The following PAPPA variants were observed in gnomAD, a reference collection of about 807,000 sequenced individuals.
PAPPA encodes pappalysin-1.
PAPPA carries 60 observed loss-of-function variants against 164.0 expected under a neutral mutation model. The ratio of observed to expected loss-of-function variants is 0.37; its 90% CI spans 0.30 to 0.45. The LOEUF is 0.45. Among genes scored for constraint, PAPPA ranks in the 20% least tolerant of loss-of-function variants. PAPPA has a pLI of 1.00. For synonymous variants in PAPPA, 875 were observed against 814.1 expected, an observed-to-expected ratio of 1.07 and a Z score of -1.27; for missense variants, 1,782 against 2,087.3, an observed-to-expected ratio of 0.85 and a Z score of 2.85.
intron 13 of PAPPA, among the ~76,000 whole-genome samples, chr9:116,337,457 A>T (rs1305333341): frequency 2.6e-5 from 4 of 152,222 alleles, no homozygotes; most frequent in African/African-American, 9.6e-5. Flanking sequence ...ACTGTAAAGA[A>T]CCATGGGATG....
intron 7 of PAPPA, among the ~76,000 whole-genome samples, chr9:116,250,187 G>A (rs748819612): frequency 1.3e-5 from 2 of 152,034 alleles, no homozygotes; most frequent in Admixed American, 1.3e-4. Flanking sequence ...TACCTATAAC[G>A]TTACAAGGCT....
intron 19 of PAPPA, among the ~76,000 whole-genome samples, chr9:116,374,780 A>G (rs1846627799): frequency 6.6e-6 from 1 of 152,126 alleles, no homozygotes; most frequent in Admixed American, 6.5e-5. Context: ...ACATCTCTGG[A>G]TTTTGACTGG....
intron 12 of PAPPA, among the ~76,000 whole-genome samples, chr9:116,333,581 G>C (rs1846020927): frequency 6.6e-6 from 1 of 152,156 alleles, no homozygotes. Context: ...AAAGCCAAGG[G>C]AGCAGGGAAG....
At chr9:116,336,672 G>T (rs1203723869) in intron 13 of PAPPA, among the ~76,000 whole-genome samples, 2 of 152,158 alleles carry the variant, frequency 1.3e-5, no homozygotes, top group Non-Finnish European at 2.9e-5. Flanking sequence ...GAAACATATC[G>T]ATTGATACGT....
At chr9:116,178,249 G>A (rs1176924018) in intron 1 of PAPPA, among the ~76,000 whole-genome samples, 1 of 152,100 alleles carries the variant, frequency 6.6e-6, no homozygotes, top group Non-Finnish European at 1.5e-5. Context: ...TGGGATTACA[G>A]GCACACATCA....
At chr9:116,301,181 A>G (rs1282331332) in intron 9 of PAPPA, among the ~76,000 whole-genome samples, 1 of 152,118 alleles carries the variant, frequency 6.6e-6, no homozygotes, top group South Asian at 2.1e-4. Context: ...TGCCTGAGAA[A>G]TTCAGATTTT....
chr9:116,230,692 A>C (rs1844579672), intron 6 of PAPPA, among the ~76,000 whole-genome samples: 1 of 152,212 alleles, frequency 6.6e-6, no homozygotes, highest in South Asian at 2.1e-4. Context: ...AAGAAGGTAA[A>C]TACAGTCATA....
chr9:116,207,013 T>C (rs1844243984), intron 2 of PAPPA, among the ~76,000 whole-genome samples: 1 of 152,168 alleles, frequency 6.6e-6, no homozygotes, highest in Admixed American at 6.6e-5. Context: ...GAACTTTGTC[T>C]TTCATACATG....
intron 9 of PAPPA, among the ~76,000 whole-genome samples, chr9:116,288,152 C>T (rs376306774): frequency 3.9e-5 from 6 of 152,260 alleles, no homozygotes; most frequent in African/African-American, 7.2e-5. Flanking sequence ...GGGCGGATCA[C>T]GAGGTCAGGA....
intron 6 of PAPPA, among the ~76,000 whole-genome samples, chr9:116,228,270 A>T (rs1000873006): frequency 2.4e-4 from 37 of 152,190 alleles, no homozygotes; most frequent in African/African-American, 8.9e-4. Flanking sequence ...CAGAGGCTCC[A>T]TACTTTCCTC....
chr9:116,167,183 G>A (rs980143015), intron 1 of PAPPA, among the ~76,000 whole-genome samples: 1 of 152,064 alleles, frequency 6.6e-6, no homozygotes, highest in Non-Finnish European at 1.5e-5. Flanking sequence ...GGATTGGTTC[G>A]AGGACCAACT....
rs778779503 is a variant in PAPPA, at chr9:116,352,781, T to G, written c.4040T>G (p.Leu1347Arg). 6.2e-7 allele frequency: 1 copy of G among 1,613,954 alleles called. No homozygotes were observed. Among genetic ancestry groups the G allele is most frequent in the Non-Finnish European group, 8.5e-7 (1 of 1,179,994 alleles). ...FPEALCELMC[L>R]APPPVPNADL... ...GAGGCCCTGTGTGAGCTCATGTGCC[T>G]CGCTCCACCCCCTGTGCCCAATGCA... The change falls in exon 16 of 22, where the codon CTC (leucine) becomes CGC (arginine). Residue 1347 changes from leucine (L) to arginine (R), a missense_variant. This residue lies in a region of PAPPA where 1,324 missense variants were observed against 1,656.9 expected (regional missense o/e 0.80). Transcript: ENST00000328252.
chr9:116,306,560 A>G (rs1019404082), intron 10 of PAPPA, among the ~76,000 whole-genome samples: 1 of 152,200 alleles, frequency 6.6e-6, no homozygotes, highest in African/African-American at 2.4e-5. Context: ...TTCTTTGGAT[A>G]TTTTGGCCAT....
intron 7 of PAPPA, among the ~76,000 whole-genome samples, chr9:116,249,370 G>A (rs1260238592): frequency 6.6e-6 from 1 of 152,074 alleles, no homozygotes; most frequent in Non-Finnish European, 1.5e-5. Flanking sequence ...CAAGAAGAGA[G>A]TTTGAGCAAA....
Position 116,275,199 on chromosome 9 carries a change from C to T in PAPPA, c.2953+3783C>T, listed in dbSNP as rs373082695. On this transcript the variant is annotated intron_variant, in intron 9 of 21. Coordinates refer to ENST00000328252, the MANE Select transcript of PAPPA (RefSeq NM_002581.5). The stretch of plus-strand genomic sequence containing the variant: ...AAGTTGGTTTTTGTTGACTGTCACT[C>T]AGAATCTTGACTGAAAATTATTGCC... 1.1e-4 allele frequency among the ~76,000 whole-genome samples: 17 copies of T among 152,330 alleles called. No homozygotes were observed. The East Asian group carries it at 1.9e-3, about 17-fold the overall frequency.
At chr9:116,244,945 G>A (rs947497472) in intron 7 of PAPPA, among the ~76,000 whole-genome samples, 1 of 152,152 alleles carries the variant, frequency 6.6e-6, no homozygotes, top group Admixed American at 6.5e-5. Flanking sequence ...TAAAGAAAAC[G>A]AGGTATATGT....
chr9:116,301,503 G>T (rs1845578825), intron 9 of PAPPA, among the ~76,000 whole-genome samples: 1 of 152,194 alleles, frequency 6.6e-6, no homozygotes, highest in East Asian at 1.9e-4. Flanking sequence ...GGTGGACAAG[G>T]TGATCTCTTT....
chr9:116,327,533 A>G (rs1207925497), intron 10 of PAPPA, among the ~76,000 whole-genome samples: 1 of 152,084 alleles, frequency 6.6e-6, no homozygotes, highest in African/African-American at 2.4e-5. Flanking sequence ...ACATTCAGTA[A>G]AGTCAACATT....
At chr9:116,270,043 C>T (rs1845119115) in intron 8 of PAPPA, among the ~76,000 whole-genome samples, 1 of 152,152 alleles carries the variant, frequency 6.6e-6, no homozygotes, top group African/African-American at 2.4e-5. Flanking sequence ...GTGTTAATTG[C>T]CTGGGTGAAA....
Sources: gnomAD v4.1 joint callset for allele counts (sites outside exome capture counted in the v4.1 genomes callset) on GRCh38, gnomAD v4.1.1 for gene constraint, gnomAD v4.1.1 regional missense constraint, MANE v1.5 for transcripts, NCBI Gene and HGNC (gene_info 2026-07-23, HGNC 2026-07-21) for gene names.